The following EYA2 variants were observed in gnomAD, a reference collection of about 807,000 sequenced individuals.
EYA2 encodes protein phosphatase EYA2.
A neutral mutation model predicts 69.2 loss-of-function variants in EYA2; 31 were observed. That is an observed-to-expected ratio of 0.45 (90% CI 0.34 to 0.60). The LOEUF is 0.60. EYA2 is among the 20% of genes least tolerant of loss of function. The pLI is 0.02. For synonymous variants in EYA2, 257 were observed against 279.4 expected, an observed-to-expected ratio of 0.92 and a Z score of 0.80; for missense variants, 622 against 701.2, an observed-to-expected ratio of 0.89 and a Z score of 1.28.
chr20:47,033,505 C>G (rs1480816749), intron 5 of EYA2, among the ~76,000 whole-genome samples: 1 of 152,226 alleles, frequency 6.6e-6, no homozygotes, highest in Non-Finnish European at 1.5e-5. Context: ...TGGTCTAAGT[C>G]AATCCATCCC....
At chr20:47,094,849 C>T (rs150938526) in intron 8 of EYA2, among the ~76,000 whole-genome samples, 6 of 152,124 alleles carry the variant, frequency 3.9e-5, no homozygotes, top group Non-Finnish European at 7.4e-5. Flanking sequence ...GGCAACATAG[C>T]GAGACCCTGT....
chr20:46,978,033 C>T (rs904645848), intron 1 of EYA2, among the ~76,000 whole-genome samples: 7 of 152,210 alleles, frequency 4.6e-5, no homozygotes, highest in African/African-American at 7.2e-5. Flanking sequence ...TCTGCAGTCC[C>T]GCAGGCAAGG....
chr20:47,051,861 G>T (rs1196301736), intron 5 of EYA2, among the ~76,000 whole-genome samples: 1 of 152,166 alleles, frequency 6.6e-6, no homozygotes, highest in Non-Finnish European at 1.5e-5. Flanking sequence ...TTCCTTTTTG[G>T]CAGAGGATAA....
At position 46,987,956 on chromosome 20, in the gene EYA2, CTCTCTCTCTATATATATATATATATATA is replaced by C. The variant is rs1981367658; in HGVS notation, c.-10-2043_-10-2016del. Reference sequence around the variant, plus strand: ...TCTCTCTCTCTCTCTCTCTCTCTCTCTCTCTCTCTATATATATATATATATATATATATATATATATGGGGCAAAAAAA... The same window carrying C: ...TCTCTCTCTCTCTCTCTCTCTCTCTCTATATATATATATGGGGCAAAAAAA... On this transcript the variant is annotated intron_variant, in intron 1 of 15. Coordinates refer to ENST00000327619, the MANE Select transcript of EYA2 (RefSeq NM_005244.5). 5.4e-5 allele frequency among the ~76,000 whole-genome samples: 2 copies of C among 37,276 alleles called. 1 individual carries two copies. The highest frequency in any genetic ancestry group is 1.0e-4 in the Non-Finnish European group (2 of 19,958). 24.5% of individuals were successfully genotyped at this position (37,276 alleles called of 152,430 possible).
chr20:47,017,770 T>G (rs1161543865), intron 5 of EYA2, among the ~76,000 whole-genome samples: 4 of 152,172 alleles, frequency 2.6e-5, no homozygotes, highest in Non-Finnish European at 5.9e-5. Flanking sequence ...AACGGTACTG[T>G]ATTATTCCCA....
chr20:46,916,715 C>T (rs566183325), intron 1 of EYA2, among the ~76,000 whole-genome samples: 2 of 152,084 alleles, frequency 1.3e-5, no homozygotes, highest in African/African-American at 2.4e-5. Context: ...TAGTGGGGGG[C>T]TTTTGGAGGG....
At chr20:47,058,801 C>T (rs1394391410) in intron 5 of EYA2, among the ~76,000 whole-genome samples, 2 of 152,166 alleles carry the variant, frequency 1.3e-5, no homozygotes, top group African/African-American at 4.8e-5. Context: ...GATCGTGCCA[C>T]TGCACCCCAG....
At chr20:47,126,144 C>T (rs1228622101) in intron 9 of EYA2, among the ~76,000 whole-genome samples, 1 of 152,224 alleles carries the variant, frequency 6.6e-6, no homozygotes, top group Non-Finnish European at 1.5e-5. Context: ...CAAATGCAGT[C>T]TGAGTGTTAA....
At chr20:47,153,674 G>C (rs1342016877) in intron 10 of EYA2, among the ~76,000 whole-genome samples, 1 of 151,730 alleles carries the variant, frequency 6.6e-6, no homozygotes, top group African/African-American at 2.4e-5. Flanking sequence ...AAAAGACTGA[G>C]AAGTTAGTGA....
rs189710400 is a variant in EYA2 at position 46,946,150 on chromosome 20, G to A, written c.-10-43851G>A. ...TTATATTTGAACTTCTTCCTCCTCT[G>A]GACCTCACCCATTGGATCCCTGCAG... On this transcript the variant is annotated intron_variant, in intron 1 of 15. Transcript: ENST00000327619. 8.5e-4 allele frequency among the ~76,000 whole-genome samples: 130 copies of A among 152,268 alleles called. No homozygotes were observed. The Middle Eastern group carries it at 0.014, about 16-fold the overall frequency.
chr20:46,899,287 G>A (rs1021672936), intron 1 of EYA2, among the ~76,000 whole-genome samples: 1 of 152,320 alleles, frequency 6.6e-6, no homozygotes, highest in Non-Finnish European at 1.5e-5. Flanking sequence ...TAAATGCACA[G>A]AACACAGTTA....
chr20:47,172,130 A>T (rs1052632251), intron 11 of EYA2, among the ~76,000 whole-genome samples: 2 of 151,598 alleles, frequency 1.3e-5, no homozygotes, highest in African/African-American at 2.4e-5. Flanking sequence ...AAAAAATAAA[A>T]AAATAAAAAG....
intron 1 of EYA2, among the ~76,000 whole-genome samples, chr20:46,967,696 AC>A (rs2146295547): frequency 6.6e-6 from 1 of 152,290 alleles, no homozygotes; most frequent in East Asian, 1.9e-4. Context: ...AAGGGATGCA[AC>A]AGGAGAGGTT....
chr20:47,073,629 C>T (rs1478956241), intron 6 of EYA2, among the ~76,000 whole-genome samples: 2 of 152,126 alleles, frequency 1.3e-5, no homozygotes, highest in Non-Finnish European at 1.5e-5. Context: ...CAGGTGCCAT[C>T]AGGGCCACGT....
At chr20:47,157,598 G>C (rs2033980596) in intron 10 of EYA2, among the ~76,000 whole-genome samples, 1 of 152,016 alleles carries the variant, frequency 6.6e-6, no homozygotes, top group Non-Finnish European at 1.5e-5. Context: ...AAATCCAGGG[G>C]AGGTTGTTTC....
intron 5 of EYA2, among the ~76,000 whole-genome samples, chr20:47,039,764 CTG>C (rs73624042): frequency 0.037 from 5,471 of 149,686 alleles, 401 homozygotes; most frequent in East Asian, 0.29. Context: ...AACTGTGTGA[CTG>C]TGGGATATTT....
At chr20:47,071,103 G>A (rs918932781) in intron 5 of EYA2, among the ~76,000 whole-genome samples, 4 of 151,992 alleles carry the variant, frequency 2.6e-5, no homozygotes, top group South Asian at 4.2e-4. Context: ...TCCGCCTCCC[G>A]AGTTCAAGCA....
At chr20:47,142,790 A>G (rs1361797008) in intron 9 of EYA2, among the ~76,000 whole-genome samples, 1 of 152,264 alleles carries the variant, frequency 6.6e-6, no homozygotes, top group African/African-American at 2.4e-5. Context: ...TGCAACGCTG[A>G]ACACTGTTGC....
intron 1 of EYA2, among the ~76,000 whole-genome samples, chr20:46,943,309 G>A (rs1252871978): frequency 6.6e-6 from 1 of 152,176 alleles, no homozygotes; most frequent in Non-Finnish European, 1.5e-5. Flanking sequence ...TGTCAGTAAT[G>A]TCGATAGACA....
Sources: allele counts gnomAD v4.1 joint callset (sites outside exome capture counted in the v4.1 genomes callset), GRCh38; gene constraint gnomAD v4.1.1; transcripts MANE v1.5; gene names NCBI Gene and HGNC (gene_info 2026-07-23, HGNC 2026-07-21).